VNN1: variants seen among roughly 807,000 people sequenced by gnomAD.
The protein encoded by VNN1 is vanin 1, also known as pantetheinase.
VNN1 carries 29 observed loss-of-function variants against 41.9 expected under a neutral mutation model. The ratio of observed to expected loss-of-function variants is 0.69; its 90% CI spans 0.52 to 0.94. VNN1 has a LOEUF of 0.94. Among genes scored for constraint, VNN1 ranks in the 40% least tolerant of loss-of-function variants. The pLI is 0.00. For missense variants in VNN1, 637 were observed against 621.1 expected (o/e 1.03, Z -0.27); for synonymous variants, 233 against 224.4 (o/e 1.04, Z -0.34).
chr6:132,698,388 A>G (rs2206566), intron 2 of VNN1, among the ~76,000 whole-genome samples: 7,147 of 152,344 alleles, frequency 0.047, 360 homozygotes, highest in South Asian at 0.14. Context: ...AAAGCACTAT[A>G]TTGGACATGT....
At chr6:132,702,365 C>T (rs1778459128) in intron 2 of VNN1, among the ~76,000 whole-genome samples, 1 of 152,210 alleles carries the variant, frequency 6.6e-6, no homozygotes, top group South Asian at 2.1e-4. Flanking sequence ...AAGCATACTC[C>T]ACCCTGTCCA....
intron 2 of VNN1, among the ~76,000 whole-genome samples, chr6:132,703,361 TAGAC>T (rs919620358): frequency 6.9e-6 from 1 of 144,316 alleles, no homozygotes; most frequent in African/African-American, 2.4e-5. Flanking sequence ...TTTTAAGACA[TAGAC>T]AGTATAAGAT....
chr6:132,687,505 T>C (rs1380239572), intron 5 of VNN1, among the ~76,000 whole-genome samples: 1 of 152,148 alleles, frequency 6.6e-6, no homozygotes, highest in Non-Finnish European at 1.5e-5. Context: ...ATGACTCCTA[T>C]CGTATACAAG....
intron 5 of VNN1, among the ~76,000 whole-genome samples, chr6:132,690,313 A>AT (rs1479229526): frequency 6.6e-6 from 1 of 152,118 alleles, no homozygotes; most frequent in African/African-American, 2.4e-5. Flanking sequence ...TTCCAGGCTT[A>AT]TTTCCCACCA....
In VNN1 at chr6:132,692,408, C is replaced by T. The variant is rs754330974; in HGVS notation, c.1003G>A (p.Gly335Ser). Residue 335 changes from glycine to serine, a missense_variant, in exon 5 of 7, where the codon GGC becomes AGC. By Grantham distance (56) the Gly-to-Ser change is moderately conservative. Coordinates refer to ENST00000367928, the MANE Select transcript of VNN1 (RefSeq NM_004666.3). ...GTGAATTCATCGAAAAAGACAGTGCCTTTAAATTCCTTGTTTCCTGATGAG... is the reference window on the plus strand; with the variant it reads ...GTGAATTCATCGAAAAAGACAGTGCTTTTAAATTCCTTGTTTCCTGATGAG... Reference protein sequence around the residue: ...ALSSGNKEFKGTVFFDEFTFV... With the variant: ...ALSSGNKEFKSTVFFDEFTFV... 3.7e-6 allele frequency: 6 copies of T among 1,614,140 alleles called. No homozygotes were observed. The highest frequency in any genetic ancestry group is 5.1e-6 in the Non-Finnish European group (6 of 1,180,022).
intron 5 of VNN1, among the ~76,000 whole-genome samples, chr6:132,687,067 T>C (rs960505892): frequency 6.6e-6 from 1 of 151,380 alleles, no homozygotes; most frequent in African/African-American, 2.4e-5. Flanking sequence ...AGGCAGAAGA[T>C]CCCAATAATA....
At chr6:132,691,841 A>G (rs1251554258) in intron 5 of VNN1, among the ~76,000 whole-genome samples, 1 of 151,908 alleles carries the variant, frequency 6.6e-6, no homozygotes, top group South Asian at 2.1e-4. Flanking sequence ...CTACTAAAAT[A>G]CAACAACAAC....
chr6:132,692,605 A>G, intron 4 of VNN1, 21 bp from the exon 5 acceptor site: 2 of 1,532,644 alleles, frequency 1.3e-6, no homozygotes, highest in Non-Finnish European at 1.7e-6. Flanking sequence ...TAAGTTGAAA[A>G]CATCATTTGA....
intron 2 of VNN1, among the ~76,000 whole-genome samples, chr6:132,702,619 C>T (rs1778463424): frequency 6.6e-6 from 1 of 152,144 alleles, no homozygotes; most frequent in African/African-American, 2.4e-5. Context: ...CGTCCCTCTG[C>T]CTTAAGAAAG....
chr6:132,701,158 A>C (rs1183355008), intron 2 of VNN1, among the ~76,000 whole-genome samples: 1 of 152,220 alleles, frequency 6.6e-6, no homozygotes, highest in Non-Finnish European at 1.5e-5. Flanking sequence ...CTAACTTTCT[A>C]TATTGGATCA....
chr6:132,692,003 C>CAA (rs571783951), intron 5 of VNN1, among the ~76,000 whole-genome samples: 28 of 86,148 alleles, frequency 3.3e-4, no homozygotes, highest in South Asian at 1.0e-3. Flanking sequence ...GACTCTGTCT[C>CAA]AAAAAAAAAA....
intron 2 of VNN1, among the ~76,000 whole-genome samples, chr6:132,709,369 G>T (rs1778564030): frequency 6.6e-6 from 1 of 152,056 alleles, no homozygotes. Flanking sequence ...AAAAAAATTT[G>T]CAGAGTTAAT....
rs778411161 is a variant in VNN1, at chr6:132,681,115, G to T, written c.*2025C>A. Among the ~76,000 whole-genome samples the T allele has an allele frequency of 6.6e-6, 1 of 152,028 alleles. No homozygotes were observed. Among genetic ancestry groups the T allele is most frequent in the Non-Finnish European group, 1.5e-5 (1 of 68,010 alleles). On this transcript the variant is annotated 3_prime_UTR_variant, in exon 7 of 7. Coordinates refer to ENST00000367928, the MANE Select transcript of VNN1 (RefSeq NM_004666.3). ...CTCAACTCTGTTTGATTCTGTCCAC[G>T]TTGTGCCATTGTTGGTCCATGTGAC...
intron 2 of VNN1, chr6:132,698,823 A>C (rs1353969068): frequency 1.3e-5 from 3 of 226,656 alleles, no homozygotes; most frequent in East Asian, 1.1e-4. Context: ...AAACTGCTAC[A>C]CCAGCTGAAT....
chr6:132,702,860 A>G (rs1358912232), intron 2 of VNN1, among the ~76,000 whole-genome samples: 2 of 152,208 alleles, frequency 1.3e-5, no homozygotes, highest in Admixed American at 1.3e-4. Flanking sequence ...TTGAATAAAC[A>G]TCAGTGATAG....
At chr6:132,700,378 G>T (rs1351424210) in intron 2 of VNN1, among the ~76,000 whole-genome samples, 1 of 152,156 alleles carries the variant, frequency 6.6e-6, no homozygotes, top group African/African-American at 2.4e-5. Flanking sequence ...ATGCTGTAAG[G>T]TGAAAGAGAG....
At chr6:132,689,044 A>G (rs575630081) in intron 5 of VNN1, among the ~76,000 whole-genome samples, 104 of 152,166 alleles carry the variant, frequency 6.8e-4, no homozygotes, top group African/African-American at 2.5e-3. Flanking sequence ...GCCTGCCACC[A>G]TGCCTGGCTA....
chr6:132,683,868 A>G (rs1258637759), intron 6 of VNN1, among the ~76,000 whole-genome samples: 1 of 152,176 alleles, frequency 6.6e-6, no homozygotes, highest in Non-Finnish European at 1.5e-5. Context: ...TGAACTTTAA[A>G]AAGTTTTTGC....
intron 5 of VNN1, 23 bp downstream of exon 5, chr6:132,692,200 C>G: frequency 6.6e-7 from 1 of 1,518,810 alleles, no homozygotes; most frequent in Non-Finnish European, 8.8e-7. Context: ...TATCCAGTAA[C>G]TCTTCTGACA....
Sources: gnomAD v4.1 joint callset for allele counts (sites outside exome capture counted in the v4.1 genomes callset) on GRCh38, gnomAD v4.1.1 for gene constraint, MANE v1.5 for transcripts, NCBI Gene and HGNC (gene_info 2026-07-23, HGNC 2026-07-21) for gene names.